ABCB5: variants seen among roughly 807,000 people sequenced by gnomAD.
ABCB5 encodes the protein ATP-binding cassette sub-family B member 5.
Under a neutral mutation model 144.2 loss-of-function variants are expected in ABCB5, and 155 were observed. The observed-to-expected ratio is 1.08, with a 90% CI of 0.94 to 1.23. ABCB5 has a LOEUF of 1.23. ABCB5 is among the 50% of genes most tolerant of loss of function. ABCB5 has a pLI of 0.00. For synonymous variants in ABCB5, 610 were observed against 528.6 expected, an observed-to-expected ratio of 1.15 and a Z score of -2.11; for missense variants, 1,830 against 1,520.8, an observed-to-expected ratio of 1.20 and a Z score of -3.38.
intron 27 of ABCB5, among the ~76,000 whole-genome samples, chr7:20,754,003 C>T (rs1200036214): frequency 6.6e-6 from 1 of 152,188 alleles, no homozygotes; most frequent in Non-Finnish European, 1.5e-5. Context: ...GCAAGCTTCT[C>T]CAGCTGTTTG....
chr7:20,656,551 G>A (rs68180882), intron 13 of ABCB5, among the ~76,000 whole-genome samples: 27,026 of 151,946 alleles, frequency 0.18, 2,487 homozygotes, highest in South Asian at 0.21. Context: ...AAAATAAAAC[G>A]ATAATGAGAT....
chr7:20,722,956 G>C (rs1781920314), intron 20 of ABCB5, 60 bp from the exon 21 acceptor site: 1 of 1,477,312 alleles, frequency 6.8e-7, no homozygotes, highest in Non-Finnish European at 9.4e-7. Context: ...AACTATAATA[G>C]GAACTCTTGT....
chr7:20,740,286 A>C (rs1236695380), intron 24 of ABCB5, among the ~76,000 whole-genome samples: 1 of 152,162 alleles, frequency 6.6e-6, no homozygotes, highest in Non-Finnish European at 1.5e-5. Flanking sequence ...TTATACATTA[A>C]ATATACATTC....
At chr7:20,722,545 A>T (rs1021686614) in intron 20 of ABCB5, among the ~76,000 whole-genome samples, 1 of 152,252 alleles carries the variant, frequency 6.6e-6, no homozygotes, top group Non-Finnish European at 1.5e-5. Context: ...ACATCAAGAC[A>T]TAAAAATAAA....
chr7:20,716,887 G>A (rs1203969954), intron 20 of ABCB5, among the ~76,000 whole-genome samples: 1 of 152,042 alleles, frequency 6.6e-6, no homozygotes, highest in East Asian at 1.9e-4. Flanking sequence ...AAAGCGTGCC[G>A]AACCCCAGCG....
intron 14 of ABCB5, chr7:20,660,238 C>T (rs1471561108): frequency 6.1e-6 from 6 of 985,000 alleles, no homozygotes; most frequent in Non-Finnish European, 7.2e-6. Context: ...CAAAATTACA[C>T]AAAATAGCAA....
chr7:20,659,389 TA>T (rs1164653937), intron 14 of ABCB5: 2 of 1,212,732 alleles, frequency 1.6e-6, no homozygotes, highest in African/African-American at 3.3e-5. Context: ...GGAAGTGAGT[TA>T]AGCGTTTTTT....
rs569805401 is a variant in ABCB5 at position 20,615,760 on chromosome 7, A to G, written c.-99A>G. The G allele has an allele frequency of 6.6e-6, 1 of 152,386 alleles. No homozygotes were observed. Among genetic ancestry groups the G allele is most frequent in the Admixed American group, 6.5e-5 (1 of 15,288 alleles). The allele number at this position is 152,386 out of a possible 1,614,324, so 9.4% of individuals were successfully genotyped here. On this transcript the variant is annotated 5_prime_UTR_variant, in exon 1 of 28. Transcript: ENST00000404938. ...CTGAAAGCTTTATCCTATCCTCTTC[A>G]GAAGACTTCAGTCTTTTCTCTTAAG... is the stretch of plus-strand genomic sequence containing the variant.
intron 13 of ABCB5, among the ~76,000 whole-genome samples, chr7:20,657,993 C>A (rs1011081957): frequency 1.3e-5 from 2 of 151,976 alleles, no homozygotes; most frequent in African/African-American, 4.8e-5. Context: ...TATTTTAAAA[C>A]AAATCAAAAG....
intron 1 of ABCB5, among the ~76,000 whole-genome samples, chr7:20,617,675 A>G (rs2128015057): frequency 6.6e-6 from 1 of 152,368 alleles, no homozygotes; most frequent in Admixed American, 6.5e-5. Context: ...TCGCATTTTT[A>G]TAATGGATTA....
chr7:20,718,575 G>A (rs1015703588), intron 20 of ABCB5, among the ~76,000 whole-genome samples: 18 of 152,182 alleles, frequency 1.2e-4, no homozygotes, highest in Admixed American at 1.0e-3. Flanking sequence ...TCTTGAAACT[G>A]AAACCACAAA....
chr7:20,637,780 A>C lies in ABCB5; in HGVS notation c.315-5404A>C, dbSNP rs116497641. 4.1e-3 allele frequency among the ~76,000 whole-genome samples: 627 copies of C among 152,266 alleles called. 4 individuals carry two copies. Among genetic ancestry groups the C allele is most frequent in the African/African-American group, 0.015 (604 of 41,560 alleles). The stretch of plus-strand genomic sequence containing the variant: ...TTAATCCTTTTCTTTTGCTACTTCT[A>C]ATGTATCTAGCATAACCTACTTGAA... On this transcript the variant is annotated intron_variant, in intron 5 of 27. Coordinates refer to ENST00000404938, the MANE Select transcript of ABCB5 (RefSeq NM_001163941.2).
intron 14 of ABCB5, among the ~76,000 whole-genome samples, chr7:20,680,643 T>C (rs924560501): frequency 6.6e-6 from 1 of 151,928 alleles, no homozygotes; most frequent in Non-Finnish European, 1.5e-5. Context: ...ATGATGGGAT[T>C]CTTGACCTGG....
intron 26 of ABCB5, among the ~76,000 whole-genome samples, chr7:20,749,417 T>TTTTG: frequency 6.9e-6 from 1 of 145,932 alleles, no homozygotes; most frequent in Non-Finnish European, 1.5e-5. Context: ...TTTTTTTTTT[T>TTTTG]TGCAAAGATG....
chr7:20,631,844 C>T (rs1201067542), intron 4 of ABCB5, among the ~76,000 whole-genome samples: 1 of 152,150 alleles, frequency 6.6e-6, no homozygotes, highest in African/African-American at 2.4e-5. Context: ...TGCTTCCTTA[C>T]ATTTTTCCAA....
At position 20,739,067 on chromosome 7, in the gene ABCB5, G is replaced by A. The variant is rs1782479720; in HGVS notation, c.2952G>A (p.Gly984=). ...CTGAATATTCCAAAGCCAAATCGGG[G>A]GCTGCGCATCTGTTTGCCTTGTTGG... The part of the protein sequence containing the change: ...LAPEYSKAKS[G]AAHLFALLEK... The change falls in exon 24 of 28, where the codon GGG becomes GGA. Residue 984 remains glycine (G), a synonymous_variant. Transcript: ENST00000404938. 8 of 1,612,076 alleles carry A rather than the reference G, an allele frequency of 5.0e-6. No individual in the cohort carries two copies. The highest frequency in any genetic ancestry group is 6.8e-6 in the Non-Finnish European group (8 of 1,179,166).
In ABCB5 at chr7:20,650,183, T is replaced by C. The variant is rs186986824; in HGVS notation, c.1332+36T>C. 3 of 1,605,650 alleles carry C rather than the reference T, an allele frequency of 1.9e-6. No individual in the cohort carries two copies. In the Admixed American group the frequency reaches 5.1e-5, roughly 27 times the overall value. ...CTAGCAAAACCATGCACAGTCCACCTAATGGAATCTGGAAACACCGCAGGG... is the reference window on the plus strand; with the variant it reads ...CTAGCAAAACCATGCACAGTCCACCCAATGGAATCTGGAAACACCGCAGGG... On this transcript the variant is annotated intron_variant, in intron 12 of 27. Coordinates refer to ENST00000404938, the MANE Select transcript of ABCB5 (RefSeq NM_001163941.2).
At position 20,730,980 on chromosome 7, in the gene ABCB5, A is replaced by G. The variant is rs543255387; in HGVS notation, c.2867+2525A>G. Among the ~76,000 whole-genome samples the G allele has an allele frequency of 4.6e-5, 7 of 152,256 alleles. No homozygotes were observed. In the South Asian group the frequency reaches 1.5e-3, roughly 32 times the overall value. On this transcript the variant is annotated intron_variant, in intron 23 of 27. Coordinates refer to ENST00000404938, the MANE Select transcript of ABCB5 (RefSeq NM_001163941.2). Reference sequence around the variant, plus strand: ...TGTACGAGGTTTGATGATTTTCCAAATTCTCACAGAAGAATTTTCATCTGT... The same window carrying G: ...TGTACGAGGTTTGATGATTTTCCAAGTTCTCACAGAAGAATTTTCATCTGT...
chr7:20,697,849 G>A (rs1171363975), intron 16 of ABCB5, among the ~76,000 whole-genome samples: 2 of 152,216 alleles, frequency 1.3e-5, no homozygotes, highest in Admixed American at 1.3e-4. Flanking sequence ...TGAGGAGACA[G>A]TCTTGGTGAG....
Sources: gnomAD v4.1 joint callset for allele counts (sites outside exome capture counted in the v4.1 genomes callset) on GRCh38, gnomAD v4.1.1 for gene constraint, MANE v1.5 for transcripts, NCBI Gene and HGNC (gene_info 2026-07-23, HGNC 2026-07-21) for gene names.